OSBP2: variants seen among roughly 807,000 people sequenced by gnomAD.
OSBP2 encodes oxysterol-binding protein 2.
In OSBP2, 66 loss-of-function variants were observed where a neutral mutation model predicts 96.0. That is an observed-to-expected ratio of 0.69 (90% CI 0.56 to 0.84). The LOEUF (loss-of-function observed/expected upper bound fraction) is 0.84, where lower values mean the gene tolerates loss of function less well. Ranked by LOEUF, OSBP2 falls within the 40% of genes least tolerant of loss-of-function variation. OSBP2 has a pLI of 0.00. For synonymous variants in OSBP2, 525 were observed against 520.9 expected (o/e 1.01, Z -0.11); for missense variants, 1,038 against 1,222.7 (o/e 0.85, Z 2.25).
chr22:30,805,281 C>G (rs2090913305), intron 2 of OSBP2, among the ~76,000 whole-genome samples: 1 of 152,190 alleles, frequency 6.6e-6, no homozygotes, highest in African/African-American at 2.4e-5. Flanking sequence ...AGGCAGCAAA[C>G]AAAGATGTAG....
At chr22:30,773,434 T>C (rs1281653055) in intron 2 of OSBP2, among the ~76,000 whole-genome samples, 1 of 152,160 alleles carries the variant, frequency 6.6e-6, no homozygotes, top group Non-Finnish European at 1.5e-5. Context: ...AACTCCTTCA[T>C]AGCACCCACC....
intron 2 of OSBP2, among the ~76,000 whole-genome samples, chr22:30,828,843 A>C (rs2038460274): frequency 1.3e-5 from 2 of 152,116 alleles, no homozygotes; most frequent in South Asian, 4.1e-4. Context: ...GGCTATGCAG[A>C]AGTCCCCCTC....
intron 2 of OSBP2, among the ~76,000 whole-genome samples, chr22:30,856,172 ATCT>A (rs1010581561): frequency 5.3e-5 from 8 of 151,850 alleles, no homozygotes; most frequent in African/African-American, 1.9e-4. Flanking sequence ...TGAGATAAGG[ATCT>A]TCTTTTCCTT....
chr22:30,780,345 C>T (rs541241109), intron 2 of OSBP2, among the ~76,000 whole-genome samples: 7 of 152,168 alleles, frequency 4.6e-5, no homozygotes, highest in Non-Finnish European at 4.4e-5. Flanking sequence ...GCTGAGGAGT[C>T]GACCTCATCC....
chr22:30,763,510 G>A (rs2090231938), intron 2 of OSBP2, among the ~76,000 whole-genome samples: 1 of 152,078 alleles, frequency 6.6e-6, no homozygotes, highest in Non-Finnish European at 1.5e-5. Flanking sequence ...TCCAGGTGTG[G>A]TGGTGCATGC....
At chr22:30,730,775 T>TATATATATATATATATAC (rs2089755495) in intron 1 of OSBP2, among the ~76,000 whole-genome samples, 1 of 15,078 alleles carries the variant, frequency 6.6e-5, no homozygotes, top group Non-Finnish European at 1.2e-4. Context: ...TCTCTCTCTC[T>TATATATATATATATATAC]ATATATATAT....
intron 2 of OSBP2, among the ~76,000 whole-genome samples, chr22:30,847,925 T>C (rs1411826783): frequency 2.0e-5 from 3 of 152,156 alleles, no homozygotes; most frequent in African/African-American, 7.2e-5. Context: ...AGGAATTGGA[T>C]TTTTGTTTTA....
In OSBP2 at chr22:30,888,205, CTCTG is replaced by C. The variant is rs768519266; in HGVS notation, c.1301-12_1301-9del. On this transcript the variant is annotated splice_polypyrimidine_tract_variant and intron_variant, in intron 4 of 13. Transcript: ENST00000332585. ...CCTTTTGTGAGGTTACAAATTAAAG[CTCTG>C]TCTGTGTCTCTAGGAAGCCTCTTGA... 23 of 1,499,286 alleles carry C rather than the reference CTCTG, an allele frequency of 1.5e-5. No individual in the cohort carries two copies. Among genetic ancestry groups the C allele is most frequent in the African/African-American group, 2.8e-5 (2 of 72,570 alleles). The allele number at this position is 1,499,286 out of a possible 1,614,324, so 92.9% of individuals were successfully genotyped here. A position where few individuals can be genotyped will look rare whatever the true frequency, so the allele number is the denominator to read the frequency against.
intron 2 of OSBP2, among the ~76,000 whole-genome samples, chr22:30,840,894 G>A (rs1228670263): frequency 6.6e-6 from 1 of 152,056 alleles, no homozygotes; most frequent in African/African-American, 2.4e-5. Flanking sequence ...GCTAGGCGAG[G>A]TGACTCATGC....
intron 1 of OSBP2, among the ~76,000 whole-genome samples, chr22:30,711,320 T>C (rs557412927): frequency 1.3e-5 from 2 of 152,056 alleles, no homozygotes; most frequent in East Asian, 3.9e-4. Context: ...TTTGATACTA[T>C]ATATATGTAC....
chr22:30,756,715 A>C (rs1273011560), intron 2 of OSBP2, among the ~76,000 whole-genome samples: 2 of 152,032 alleles, frequency 1.3e-5, no homozygotes, highest in Non-Finnish European at 2.9e-5. Context: ...AACAAACAAA[A>C]AAAACCTCTT....
At chr22:30,698,817 C>T (rs1360969450) in intron 1 of OSBP2, among the ~76,000 whole-genome samples, 1 of 152,152 alleles carries the variant, frequency 6.6e-6, no homozygotes, top group East Asian at 1.9e-4. Context: ...TCCCATCCCA[C>T]TTTCTGGCCT....
intron 2 of OSBP2, among the ~76,000 whole-genome samples, chr22:30,804,116 G>A (rs2090894379): frequency 2.0e-5 from 3 of 152,208 alleles, no homozygotes. Context: ...CAGACAGATA[G>A]ATGTGTTAAC....
chr22:30,881,570 G>A lies in OSBP2; in HGVS notation c.1108-5856G>A, dbSNP rs575572384. 4.1e-4 allele frequency: 396 copies of A among 966,290 alleles called. 2 individuals are homozygous for A. The African/African-American group carries it at 6.0e-3, about 15-fold the overall frequency. 59.9% of individuals were successfully genotyped at this position (966,290 alleles called of 1,614,324 possible). On this transcript the variant is annotated intron_variant, in intron 3 of 13. Transcript: ENST00000332585. The surrounding 1 kb of genome is among the most constrained non-coding windows in gnomAD (Gnocchi z 4.5). The stretch of plus-strand genomic sequence containing the variant: ...GAAATGAGACCACGTTCAGGCCTGG[G>A]CTGGGTCAGCCAGGCCCTCCCTGGG...
intron 2 of OSBP2, among the ~76,000 whole-genome samples, chr22:30,784,334 G>A (rs2090559032): frequency 6.6e-6 from 1 of 151,902 alleles, no homozygotes; most frequent in African/African-American, 2.4e-5. Flanking sequence ...GCTCACTGTA[G>A]CCTTGACCTC....
At chr22:30,758,503 A>C (rs1041850452) in intron 2 of OSBP2, among the ~76,000 whole-genome samples, 1 of 152,190 alleles carries the variant, frequency 6.6e-6, no homozygotes, top group Non-Finnish European at 1.5e-5. Context: ...CCAGAATCTG[A>C]GGTAACACCA....
In OSBP2 at chr22:30,905,975, T is replaced by C; in HGVS notation, c.2514T>C (p.Asn838=). 6.2e-7 allele frequency: 1 copy of C among 1,607,376 alleles called. No homozygotes were observed. Among genetic ancestry groups the C allele is most frequent in the Admixed American group, 1.7e-5 (1 of 59,078 alleles). ...LMEKGRWDEA[N]TEKQRLEEKQ... ...AGAAGGGCCGTTGGGACGAGGCCAATACCGAGAAGCAGCGGCTGGAGGAGA... is the reference window on the plus strand; with the variant it reads ...AGAAGGGCCGTTGGGACGAGGCCAACACCGAGAAGCAGCGGCTGGAGGAGA... Residue 838 remains asparagine (N), a synonymous_variant, in exon 13 of 14, where the codon AAT becomes AAC. Coordinates refer to ENST00000332585, the MANE Select transcript of OSBP2 (RefSeq NM_030758.4).
At chr22:30,839,179 C>T (rs949835115) in intron 2 of OSBP2, among the ~76,000 whole-genome samples, 7 of 144,028 alleles carry the variant, frequency 4.9e-5, no homozygotes, top group East Asian at 4.1e-4. Context: ...GACATGAACT[C>T]ATCATTTTTT....
At chr22:30,695,635 C>A in intron 1 of OSBP2, 82 bp downstream of exon 1, 5 of 1,531,762 alleles carry the variant, frequency 3.3e-6, no homozygotes, top group South Asian at 1.3e-5. Flanking sequence ...CCATGGTTGG[C>A]GGACACTGCC....
Sources: gnomAD v4.1 joint callset for allele counts (sites outside exome capture counted in the v4.1 genomes callset) on GRCh38, gnomAD v4.1.1 for gene constraint, Gnocchi (gnomAD v3.1) non-coding constraint, MANE v1.5 for transcripts, NCBI Gene and HGNC (gene_info 2026-07-23, HGNC 2026-07-21) for gene names.